KCNIP4: variants seen among roughly 807,000 people sequenced by gnomAD.
The protein encoded by KCNIP4 is Kv channel-interacting protein 4.
KCNIP4 carries 12 observed loss-of-function variants against 34.0 expected under a neutral mutation model. That is an observed-to-expected ratio of 0.35 (90% confidence interval 0.23 to 0.57). The LOEUF is 0.57. Ranked by LOEUF, KCNIP4 falls within the 20% of genes least tolerant of loss-of-function variation. The pLI is 0.83. For synonymous variants in KCNIP4, 124 were observed against 102.2 expected (o/e 1.21, Z -1.29); for missense variants, 238 against 311.7 (o/e 0.76, Z 1.78).
intron 1 of KCNIP4, among the ~76,000 whole-genome samples, chr4:21,948,100 C>A (rs1005253640): frequency 2.0e-5 from 3 of 152,178 alleles, no homozygotes; most frequent in African/African-American, 7.2e-5. Context: ...GGGCAAGATG[C>A]CGCCAGTATA....
chr4:21,199,889 C>T (rs1756342542), intron 1 of KCNIP4, among the ~76,000 whole-genome samples: 1 of 152,018 alleles, frequency 6.6e-6, no homozygotes, highest in Admixed American at 6.6e-5. Flanking sequence ...ATGTCCTTTG[C>T]AGGGACATGG....
At chr4:21,630,040 T>C (rs1249783180) in intron 1 of KCNIP4, among the ~76,000 whole-genome samples, 1 of 149,874 alleles carries the variant, frequency 6.7e-6, no homozygotes, top group Admixed American at 6.6e-5. Context: ...TTTTTTTGAC[T>C]TTTTGTAGAG....
rs549832758 is a variant in KCNIP4, at chr4:21,910,832, G to C, written c.61+37739C>G. On this transcript the variant is annotated intron_variant, in intron 1 of 8. Transcript: ENST00000382152. Reference sequence around the variant, plus strand: ...TTATTAAATGTAGATTTGAACTTGAGTTTGCTTTTTTAAGATCATTTGTTA... The same window carrying C: ...TTATTAAATGTAGATTTGAACTTGACTTTGCTTTTTTAAGATCATTTGTTA... Among the ~76,000 whole-genome samples, 3 of 152,244 alleles carry C rather than the reference G, an allele frequency of 2.0e-5. No individual in the cohort carries two copies. The South Asian group carries it at 6.2e-4, about 32-fold the overall frequency.
intron 1 of KCNIP4, among the ~76,000 whole-genome samples, chr4:21,042,823 G>A (rs1367367534): frequency 6.6e-6 from 1 of 152,158 alleles, no homozygotes; most frequent in Admixed American, 6.5e-5. Context: ...TCGTGAATAA[G>A]CAAAAGGAAG....
intron 1 of KCNIP4, among the ~76,000 whole-genome samples, chr4:21,282,093 A>G (rs888552306): frequency 1.3e-5 from 2 of 152,258 alleles, no homozygotes; most frequent in Admixed American, 6.5e-5. Flanking sequence ...GAAAAATATC[A>G]GGTAAGTTCT....
At chr4:20,854,266 TAA>T (rs1721345255) in intron 2 of KCNIP4, among the ~76,000 whole-genome samples, 1 of 152,102 alleles carries the variant, frequency 6.6e-6, no homozygotes, top group Non-Finnish European at 1.5e-5. Context: ...AATGAGTGGA[TAA>T]AGAGACTGTG....
chr4:20,780,682 G>T (rs1756796269), intron 3 of KCNIP4, among the ~76,000 whole-genome samples: 1 of 152,184 alleles, frequency 6.6e-6, no homozygotes, highest in Admixed American at 6.5e-5. Flanking sequence ...AGGCCAAAAT[G>T]ATTGGTTCAG....
chr4:21,191,098 A>G (rs1262955544), intron 1 of KCNIP4, among the ~76,000 whole-genome samples: 4 of 152,176 alleles, frequency 2.6e-5, no homozygotes, highest in Non-Finnish European at 5.9e-5. Flanking sequence ...GTCATTTATT[A>G]CAGTAAGAAG....
At chr4:21,945,066 T>C (rs975945208) in intron 1 of KCNIP4, among the ~76,000 whole-genome samples, 2 of 152,172 alleles carry the variant, frequency 1.3e-5, no homozygotes, top group Non-Finnish European at 2.9e-5. Context: ...TTCTGTTATG[T>C]ATTATTGAAA....
chr4:21,690,753 TA>T (rs1212345699), intron 1 of KCNIP4, among the ~76,000 whole-genome samples: 1 of 152,142 alleles, frequency 6.6e-6, no homozygotes, highest in Non-Finnish European at 1.5e-5. Context: ...ACACAAACCA[TA>T]GCCGTATCTC....
At chr4:21,596,745 C>T (rs1742675820) in intron 1 of KCNIP4, among the ~76,000 whole-genome samples, 1 of 152,046 alleles carries the variant, frequency 6.6e-6, no homozygotes, top group Non-Finnish European at 1.5e-5. Flanking sequence ...TTGCTTAGTA[C>T]AAATGCGTCT....
intron 1 of KCNIP4, among the ~76,000 whole-genome samples, chr4:21,124,934 G>C (rs1363403843): frequency 6.6e-6 from 1 of 151,898 alleles, no homozygotes; most frequent in African/African-American, 2.4e-5. Flanking sequence ...ACTTTGATAT[G>C]GGCAAATAAG....
chr4:20,900,897 C>G (rs180997153), intron 1 of KCNIP4, among the ~76,000 whole-genome samples: 1 of 152,246 alleles, frequency 6.6e-6, no homozygotes, highest in Non-Finnish European at 1.5e-5. Flanking sequence ...TCATAGGAAG[C>G]TTTTGAAAAT....
intron 1 of KCNIP4, among the ~76,000 whole-genome samples, chr4:21,577,395 TGAG>T (rs1337732728): frequency 4.6e-5 from 7 of 152,126 alleles, no homozygotes; most frequent in Non-Finnish European, 1.0e-4. Context: ...TTTTGGAGGC[TGAG>T]GTGGGCAGAC....
intron 1 of KCNIP4, among the ~76,000 whole-genome samples, chr4:21,765,353 G>A (rs367620643): frequency 2.6e-5 from 4 of 151,864 alleles, no homozygotes; most frequent in East Asian, 3.9e-4. Flanking sequence ...CTATGTTAAT[G>A]GTACCCACTG....
chr4:21,581,104 C>A (rs1741168191), intron 1 of KCNIP4, among the ~76,000 whole-genome samples: 1 of 152,022 alleles, frequency 6.6e-6, no homozygotes, highest in Admixed American at 6.6e-5. Flanking sequence ...GTATCTATTT[C>A]TGAAAGGTTT....
intron 1 of KCNIP4, among the ~76,000 whole-genome samples, chr4:21,242,604 T>A (rs1759916217): frequency 6.6e-6 from 1 of 152,144 alleles, no homozygotes; most frequent in South Asian, 2.1e-4. Flanking sequence ...AGAGTCTGAA[T>A]AGAACAAAAA....
chr4:21,028,317 A>G (rs1313643644), intron 1 of KCNIP4, among the ~76,000 whole-genome samples: 1 of 152,232 alleles, frequency 6.6e-6, no homozygotes, highest in Non-Finnish European at 1.5e-5. Flanking sequence ...CTTTTAAAAT[A>G]GAAGTCAGAT....
chr4:21,347,291 G>C (rs1473489645), intron 1 of KCNIP4, among the ~76,000 whole-genome samples: 1 of 152,206 alleles, frequency 6.6e-6, no homozygotes, highest in Non-Finnish European at 1.5e-5. Context: ...AAAGGAGCAG[G>C]CAATGCTGCA....
Sources: gnomAD v4.1 joint callset for allele counts (sites outside exome capture counted in the v4.1 genomes callset) on GRCh38, gnomAD v4.1.1 for gene constraint, MANE v1.5 for transcripts, NCBI Gene and HGNC (gene_info 2026-07-23, HGNC 2026-07-21) for gene names.